The following DAB1 variants were observed in gnomAD, a reference collection of about 807,000 sequenced individuals.
DAB1 encodes DAB adaptor protein 1.
In DAB1, 15 loss-of-function variants were observed where a neutral mutation model predicts 64.6. The ratio of observed to expected loss-of-function variants is 0.23; its 90% CI spans 0.16 to 0.36. The LOEUF is 0.36. Ranked by LOEUF, DAB1 falls within the 10% of genes least tolerant of loss-of-function variation. The pLI, the probability that DAB1 is intolerant of heterozygous loss-of-function variation, is 1.00. For missense variants in DAB1, 596 were observed against 706.7 expected (o/e 0.84, Z 1.78); for synonymous variants, 235 against 251.9 (o/e 0.93, Z 0.64).
chr1:58,546,567 G>C (rs1646710881), intron 1 of DAB1: 1 of 138,580 alleles, frequency 7.2e-6, no homozygotes, highest in African/African-American at 2.7e-5. Context: ...CCATCCCCAA[G>C]GATCCCCACT....
chr1:58,205,814 C>T (rs915181640), intron 4 of DAB1, among the ~76,000 whole-genome samples: 3 of 152,184 alleles, frequency 2.0e-5, no homozygotes, highest in African/African-American at 7.2e-5. Context: ...CAGTCCTACC[C>T]TCAAGGCCCT....
chr1:58,130,396 C>A (rs887489366), intron 5 of DAB1, among the ~76,000 whole-genome samples: 15 of 151,304 alleles, frequency 9.9e-5, no homozygotes, highest in Non-Finnish European at 2.1e-4. Context: ...ACTGATGGGT[C>A]TTGACTCTTT....
At chr1:57,465,016 G>A (rs1039510708) in intron 7 of DAB1, among the ~76,000 whole-genome samples, 1 of 151,972 alleles carries the variant, frequency 6.6e-6, no homozygotes, top group African/African-American at 2.4e-5. Flanking sequence ...AAGAAGTGTT[G>A]TTAGCAGATG....
At chr1:58,209,639 T>C (rs2100288592) in intron 4 of DAB1, among the ~76,000 whole-genome samples, 1 of 152,336 alleles carries the variant, frequency 6.6e-6, no homozygotes, top group East Asian at 1.9e-4. Flanking sequence ...TTGACATAAA[T>C]GGAAGACGTA....
rs1454174196 is a variant in DAB1 at position 58,254,640 on chromosome 1, G to A, written n.309+88712C>T. Among the ~76,000 whole-genome samples, 7 of 7,344 alleles carry A rather than the reference G, an allele frequency of 9.5e-4. 2 individuals carry two copies. The highest frequency in any genetic ancestry group is 1.8e-3 in the Non-Finnish European group (3 of 1,678). The allele number at this position is 7,344 out of a possible 152,430, so 4.8% of individuals were successfully genotyped here. ...TTCCCACCTATAAGTGAGAATATGCGGTGTTTGGTTTTTTGTTCTTGCATA... is the reference window on the plus strand; with the variant it reads ...TTCCCACCTATAAGTGAGAATATGCAGTGTTTGGTTTTTTGTTCTTGCATA... On this transcript the variant is annotated intron_variant and non_coding_transcript_variant, in intron 4 of 20. Transcript: ENST00000485760.
intron 1 of DAB1, among the ~76,000 whole-genome samples, chr1:57,350,027 G>T (rs759859890): frequency 3.3e-5 from 5 of 152,140 alleles, no homozygotes; most frequent in Non-Finnish European, 5.9e-5. Flanking sequence ...AAATAGATTT[G>T]ATTTCTCAAA....
intron 3 of DAB1, among the ~76,000 whole-genome samples, chr1:58,406,624 T>C (rs1360221543): frequency 1.3e-5 from 2 of 152,182 alleles, no homozygotes; most frequent in Admixed American, 1.3e-4. Context: ...TCAGGAGACG[T>C]AGCCTTCAAG....
In DAB1 at chr1:57,072,414, C is replaced by T. The variant is rs1344469343; in HGVS notation, c.307G>A (p.Ala103Thr). Residue 103 changes from alanine to threonine, a missense_variant and splice_region_variant, in exon 5 of 15, where the codon GCC becomes ACC. By Grantham distance (58) the Ala-to-Thr change is moderately conservative. Coordinates refer to ENST00000371236, the MANE Select transcript of DAB1 (RefSeq NM_001365792.1). ...TGAACAGCATGATGATGCTGAAGGG[C>T]CTATCAGAGAAAAAAAAGGAAGAAC... ...GIKIFDEKTG[A>T]LQHHHAVHEI... 3.7e-6 allele frequency: 6 copies of T among 1,610,140 alleles called. No homozygotes were observed. Among genetic ancestry groups the T allele is most frequent in the African/African-American group, 1.3e-5 (1 of 74,652 alleles).
intron 4 of DAB1, among the ~76,000 whole-genome samples, chr1:58,243,053 A>G (rs1317874313): frequency 6.6e-6 from 1 of 152,118 alleles, no homozygotes; most frequent in East Asian, 1.9e-4. Context: ...AATTCTACAA[A>G]TTGACAAATA....
intron 2 of DAB1, among the ~76,000 whole-genome samples, chr1:57,218,101 T>C (rs1666563084): frequency 6.6e-6 from 1 of 152,170 alleles, no homozygotes; most frequent in Non-Finnish European, 1.5e-5. Context: ...AAGAATTCCT[T>C]GAAGAGCCGT....
At chr1:57,808,059 A>G (rs775406191) in intron 6 of DAB1, among the ~76,000 whole-genome samples, 8 of 152,104 alleles carry the variant, frequency 5.3e-5, no homozygotes, top group Non-Finnish European at 8.8e-5. Context: ...GTCAAAAGAT[A>G]TATGTTGTTT....
chr1:58,420,880 G>A (rs943122672), intron 3 of DAB1, among the ~76,000 whole-genome samples: 1 of 152,130 alleles, frequency 6.6e-6, no homozygotes, highest in African/African-American at 2.4e-5. Flanking sequence ...CCTCTGCAGT[G>A]ATTTGGAACA....
rs553632996 is a variant in DAB1, at chr1:58,131,701, G to A, written n.387+18810C>T. Among the ~76,000 whole-genome samples the A allele has an allele frequency of 3.1e-3, 449 of 144,780 alleles. 12 individuals are homozygous for A. The highest frequency in any genetic ancestry group is 0.023 in the Admixed American group (340 of 14,760). 95.0% of individuals were successfully genotyped at this position (144,780 alleles called of 152,430 possible). A position where few individuals can be genotyped will look rare whatever the true frequency, so the allele number is the denominator to read the frequency against. ...AGAGAGGACCCTCAGCTGCAGGTCT[G>A]TTGGAGTACCCTGCCGTGTGAGGTG... On this transcript the variant is annotated intron_variant and non_coding_transcript_variant, in intron 5 of 20. Coordinates refer to the DAB1 transcript ENST00000485760.
intron 1 of DAB1, among the ~76,000 whole-genome samples, chr1:57,871,094 C>T (rs181619515): frequency 1.3e-5 from 2 of 152,148 alleles, no homozygotes; most frequent in Non-Finnish European, 2.9e-5. Flanking sequence ...AGGATCCCTG[C>T]CTCTTTGGAG....
At chr1:57,623,922 C>T (rs983747384) in intron 7 of DAB1, among the ~76,000 whole-genome samples, 1 of 152,158 alleles carries the variant, frequency 6.6e-6, no homozygotes, top group Non-Finnish European at 1.5e-5. Flanking sequence ...AGAATTCATG[C>T]TATGCACTAA....
intron 3 of DAB1, among the ~76,000 whole-genome samples, chr1:58,397,047 G>C (rs11806012): frequency 1.3e-3 from 195 of 150,798 alleles, no homozygotes; most frequent in African/African-American, 4.5e-3. Flanking sequence ...CCTGGGCGAC[G>C]GAGCGAGACT....
At chr1:57,984,190 A>G (rs1646139770) in intron 5 of DAB1, among the ~76,000 whole-genome samples, 1 of 50,862 alleles carries the variant, frequency 2.0e-5, no homozygotes, top group African/African-American at 5.6e-5. Flanking sequence ...AAAAAAAAGA[A>G]AGAAAGAAAG....
intron 5 of DAB1, among the ~76,000 whole-genome samples, chr1:57,906,957 TAGATAGATAGATAG>T (rs1056680908): frequency 1.3e-5 from 2 of 151,500 alleles, no homozygotes; most frequent in African/African-American, 4.9e-5. Flanking sequence ...GATAGATAGA[TAGATAGATAGATAG>T]ATAGATAGAT....
At chr1:58,336,353 C>A (rs981474074) in intron 4 of DAB1, among the ~76,000 whole-genome samples, 11 of 152,210 alleles carry the variant, frequency 7.2e-5, no homozygotes, top group African/African-American at 2.7e-4. Context: ...GCTTTGCTGG[C>A]ATTTGCTTCA....
Sources: allele counts gnomAD v4.1 joint callset (sites outside exome capture counted in the v4.1 genomes callset), GRCh38; gene constraint gnomAD v4.1.1; transcripts MANE v1.5; gene names NCBI Gene and HGNC (gene_info 2026-07-23, HGNC 2026-07-21).